Variants in SERGEF observed in about 807,000 individuals in gnomAD.
SERGEF encodes the protein secretion regulating guanine nucleotide exchange factor.
SERGEF carries 51 observed loss-of-function variants against 50.0 expected under a neutral mutation model. The ratio of observed to expected loss-of-function variants is 1.02; its 90% confidence interval spans 0.81 to 1.29. The LOEUF is 1.29. SERGEF is among the 50% of genes most tolerant of loss of function. The pLI, the probability that SERGEF is intolerant of heterozygous loss-of-function variation, is 0.00. For missense variants in SERGEF, 521 were observed against 557.0 expected (o/e 0.94, Z 0.65); for synonymous variants, 205 against 212.4 (o/e 0.97, Z 0.30).
intron 8 of SERGEF, among the ~76,000 whole-genome samples, chr11:17,971,172 C>T (rs373215641): frequency 5.2e-4 from 79 of 151,772 alleles, no homozygotes; most frequent in African/African-American, 1.5e-3. Context: ...CCAGGCTGGG[C>T]GACGCAGCGA....
chr11:17,992,899 G>C, intron 7 of SERGEF, 32 bp downstream of exon 7: 1 of 1,580,292 alleles, frequency 6.3e-7, no homozygotes, highest in Non-Finnish European at 8.7e-7. Flanking sequence ...ATCCTGAATG[G>C]CATGTTAAAC....
intron 10 of SERGEF, among the ~76,000 whole-genome samples, chr11:17,870,306 A>G (rs2133891169): frequency 6.6e-6 from 1 of 152,344 alleles, no homozygotes; most frequent in South Asian, 2.1e-4. Flanking sequence ...ATTATGCTGG[A>G]TTATCCAGGC....
chr11:17,869,850 A>G (rs1302957706), intron 10 of SERGEF, among the ~76,000 whole-genome samples: 1 of 152,212 alleles, frequency 6.6e-6, no homozygotes, highest in Non-Finnish European at 1.5e-5. Flanking sequence ...GTTACATGGC[A>G]AGGGGAACTG....
At chr11:17,793,566 G>T (rs925784116) in intron 10 of SERGEF, among the ~76,000 whole-genome samples, 1 of 152,222 alleles carries the variant, frequency 6.6e-6, no homozygotes, top group Non-Finnish European at 1.5e-5. Context: ...GTGGCCTACA[G>T]AAAGCCTCTC....
At chr11:17,905,033 C>A (rs545505865) in intron 9 of SERGEF, among the ~76,000 whole-genome samples, 1 of 152,342 alleles carries the variant, frequency 6.6e-6, no homozygotes, top group South Asian at 2.1e-4. Flanking sequence ...AAAGATCCTA[C>A]ACAAATACTT....
At chr11:17,862,647 G>A (rs964337425) in intron 10 of SERGEF, among the ~76,000 whole-genome samples, 1 of 152,230 alleles carries the variant, frequency 6.6e-6, no homozygotes, top group Admixed American at 6.5e-5. Context: ...AGGGACAGCA[G>A]TCATAGGACA....
At chr11:17,954,565 G>A (rs1852828530) in intron 9 of SERGEF, among the ~76,000 whole-genome samples, 1 of 152,206 alleles carries the variant, frequency 6.6e-6, no homozygotes, top group African/African-American at 2.4e-5. Flanking sequence ...CTGTGCACAG[G>A]TTGATCCTTT....
intron 9 of SERGEF, among the ~76,000 whole-genome samples, chr11:17,881,247 G>A (rs1168338729): frequency 2.0e-5 from 3 of 152,158 alleles, no homozygotes; most frequent in African/African-American, 7.2e-5. Flanking sequence ...TGACTGCTGG[G>A]GTTCACCCTG....
At chr11:17,849,951 T>C (rs1002955142) in intron 10 of SERGEF, among the ~76,000 whole-genome samples, 4 of 152,228 alleles carry the variant, frequency 2.6e-5, no homozygotes, top group African/African-American at 7.2e-5. Flanking sequence ...CTGGTCTTTT[T>C]TTCTGTTGCT....
chr11:17,975,521 C>A (rs557184890), intron 8 of SERGEF, among the ~76,000 whole-genome samples: 22 of 152,262 alleles, frequency 1.4e-4, no homozygotes, highest in Non-Finnish European at 3.1e-4. Flanking sequence ...GGCCAATGAA[C>A]CAGATAACTC....
intron 10 of SERGEF, among the ~76,000 whole-genome samples, chr11:17,854,568 A>G (rs1188180752): frequency 2.0e-5 from 3 of 152,038 alleles, no homozygotes; most frequent in Non-Finnish European, 2.9e-5. Flanking sequence ...TCTCTTCCGT[A>G]CTTCCTATTT....
intron 10 of SERGEF, among the ~76,000 whole-genome samples, chr11:17,837,003 TC>T (rs1288841869): frequency 6.6e-6 from 1 of 152,062 alleles, no homozygotes; most frequent in East Asian, 1.9e-4. Context: ...CAGAAATAGC[TC>T]CCCTTTTCAC....
intron 10 of SERGEF, among the ~76,000 whole-genome samples, chr11:17,842,779 C>T (rs1330750303): frequency 6.6e-6 from 1 of 152,178 alleles, no homozygotes. Context: ...TAAGCACTTA[C>T]CATTTTGCCC....
At chr11:17,919,975 C>T (rs186612893) in intron 9 of SERGEF, among the ~76,000 whole-genome samples, 3 of 148,686 alleles carry the variant, frequency 2.0e-5, no homozygotes, top group Admixed American at 6.8e-5. Context: ...CAGCCAGGCA[C>T]GGTGGCTCAC....
intron 9 of SERGEF, among the ~76,000 whole-genome samples, chr11:17,952,594 G>C (rs1245186207): frequency 6.6e-6 from 1 of 151,924 alleles, no homozygotes; most frequent in Non-Finnish European, 1.5e-5. Flanking sequence ...ACGTGCTCTG[G>C]TTTCTCCATG....
chr11:18,006,896 G>T, intron 2 of SERGEF, 150 bp from the exon 3 acceptor site: 1 of 873,268 alleles, frequency 1.1e-6, no homozygotes, highest in Non-Finnish European at 1.8e-6. Flanking sequence ...CATGTATTCT[G>T]GAGCCAAACA....
chr11:17,951,412 C>T (rs1852771615), intron 9 of SERGEF, among the ~76,000 whole-genome samples: 1 of 152,196 alleles, frequency 6.6e-6, no homozygotes. Context: ...ATTGTACAAA[C>T]AGAACAGAAA....
intron 9 of SERGEF, among the ~76,000 whole-genome samples, chr11:17,939,239 C>T (rs576879970): frequency 3.3e-5 from 5 of 152,198 alleles, no homozygotes; most frequent in East Asian, 3.9e-4. Flanking sequence ...AGAGAAAAGA[C>T]ATAAGAATAG....
intron 8 of SERGEF, among the ~76,000 whole-genome samples, chr11:17,971,663 A>T (rs959276608): frequency 6.6e-6 from 1 of 152,216 alleles, no homozygotes; most frequent in African/African-American, 2.4e-5. Context: ...GTGTACATGG[A>T]GATTAATGTT....
Sources: allele counts gnomAD v4.1 joint callset (sites outside exome capture counted in the v4.1 genomes callset), GRCh38; gene constraint gnomAD v4.1.1; transcripts MANE v1.5; gene names NCBI Gene and HGNC (gene_info 2026-07-23, HGNC 2026-07-21).